The following CDK14 variants were observed in gnomAD, a reference collection of about 807,000 sequenced individuals.
CDK14 encodes the protein cyclin-dependent kinase 14.
A neutral mutation model predicts 60.7 loss-of-function variants in CDK14; 34 were observed. The observed-to-expected ratio is 0.56, with a 90% CI of 0.43 to 0.75. CDK14 has a LOEUF of 0.75. CDK14 is among the 30% of genes least tolerant of loss of function. The pLI is 0.00. For synonymous variants in CDK14, 197 were observed against 203.7 expected, an observed-to-expected ratio of 0.97 and a Z score of 0.28; for missense variants, 482 against 564.1, an observed-to-expected ratio of 0.85 and a Z score of 1.47.
intron 6 of CDK14, among the ~76,000 whole-genome samples, chr7:90,896,443 C>A (rs940908588): frequency 8.6e-5 from 13 of 151,986 alleles, no homozygotes; most frequent in Admixed American, 7.9e-4. Flanking sequence ...AGAAAAAATG[C>A]ACTGAATTAA....
At chr7:90,864,440 TTTTAAGTATGTCTA>T (rs1376552450) in intron 6 of CDK14, among the ~76,000 whole-genome samples, 36 of 152,178 alleles carry the variant, frequency 2.4e-4, no homozygotes, top group Admixed American at 2.4e-3. Context: ...TGATTCATAC[TTTTAAGTATGTCTA>T]GTTTACATAT....
At chr7:90,765,026 A>G (rs1472252193) in intron 4 of CDK14, among the ~76,000 whole-genome samples, 1 of 152,236 alleles carries the variant, frequency 6.6e-6, no homozygotes, top group Non-Finnish European at 1.5e-5. Context: ...CTTAGCAGTC[A>G]GCATAGGTAT....
At chr7:90,721,427 A>G (rs1056563776) in intron 2 of CDK14, among the ~76,000 whole-genome samples, 2 of 152,120 alleles carry the variant, frequency 1.3e-5, no homozygotes, top group African/African-American at 4.8e-5. Flanking sequence ...ATCTTGTTCT[A>G]TTTAACCATA....
At chr7:90,702,506 T>A (rs1482441300) in intron 2 of CDK14, among the ~76,000 whole-genome samples, 1 of 152,054 alleles carries the variant, frequency 6.6e-6, no homozygotes, top group Non-Finnish European at 1.5e-5. Context: ...TTTGGAATGA[T>A]CTAAATTATA....
At chr7:91,171,218 C>G (rs564913909) in intron 14 of CDK14, among the ~76,000 whole-genome samples, 1 of 151,806 alleles carries the variant, frequency 6.6e-6, no homozygotes, top group Non-Finnish European at 1.5e-5. Flanking sequence ...GGCGTGGTGG[C>G]GGGCGCCTGT....
At chr7:90,657,886 G>T (rs714352) in intron 2 of CDK14, among the ~76,000 whole-genome samples, 46,442 of 152,100 alleles carry the variant, frequency 0.31, 7,981 homozygotes, top group East Asian at 0.67. Context: ...CCAAGGCCCA[G>T]TGAGCCTAGG....
At chr7:91,077,152 A>G (rs1798341969) in intron 11 of CDK14, among the ~76,000 whole-genome samples, 1 of 152,228 alleles carries the variant, frequency 6.6e-6, no homozygotes, top group Non-Finnish European at 1.5e-5. Context: ...CTGGGTATAT[A>G]CCCAAAGGAA....
intron 2 of CDK14, among the ~76,000 whole-genome samples, chr7:90,714,701 T>A (rs1802184217): frequency 6.6e-6 from 1 of 152,088 alleles, no homozygotes; most frequent in Admixed American, 6.6e-5. Flanking sequence ...TATTGAGTGA[T>A]GCCCTATATT....
intron 2 of CDK14, chr7:90,709,158 CTTTT>C (rs577475064): frequency 1.1e-5 from 2 of 185,574 alleles, no homozygotes; most frequent in African/African-American, 4.8e-5. Context: ...TGCACCTGTG[CTTTT>C]TTTTTTTAAC....
intron 2 of CDK14, among the ~76,000 whole-genome samples, chr7:90,721,202 A>G (rs1321011562): frequency 6.6e-6 from 1 of 151,204 alleles, no homozygotes; most frequent in East Asian, 1.9e-4. Flanking sequence ...TGCTGCTTGG[A>G]CCCTCCCCAC....
intron 10 of CDK14, among the ~76,000 whole-genome samples, chr7:91,012,766 C>A (rs1439539560): frequency 6.6e-6 from 1 of 151,954 alleles, no homozygotes; most frequent in Non-Finnish European, 1.5e-5. Context: ...CTTTATGTCC[C>A]CTAGCATTTA....
chr7:90,741,356 G>A (rs1385857261), intron 3 of CDK14, among the ~76,000 whole-genome samples: 2 of 152,144 alleles, frequency 1.3e-5, no homozygotes, highest in African/African-American at 2.4e-5. Context: ...CACAGCTTTA[G>A]GCTACCTTGT....
intron 2 of CDK14, among the ~76,000 whole-genome samples, chr7:90,698,224 T>G (rs998504642): frequency 1.3e-5 from 2 of 152,180 alleles, no homozygotes; most frequent in Admixed American, 1.3e-4. Context: ...AAAATTATAC[T>G]GTTCTGGTAC....
At chr7:90,863,992 T>C (rs1180571011) in intron 6 of CDK14, among the ~76,000 whole-genome samples, 2 of 152,112 alleles carry the variant, frequency 1.3e-5, no homozygotes, top group Non-Finnish European at 2.9e-5. Context: ...TCTAAGAACA[T>C]GTAATTTATA....
At chr7:91,018,449 CA>C (rs552206569) in intron 10 of CDK14, among the ~76,000 whole-genome samples, 298 of 149,802 alleles carry the variant, frequency 2.0e-3, no homozygotes, top group Non-Finnish European at 2.4e-3. Flanking sequence ...CTTTCTCACA[CA>C]AAAAAATTAA....
At chr7:90,883,304 G>T (rs1207664177) in intron 6 of CDK14, among the ~76,000 whole-genome samples, 1 of 152,142 alleles carries the variant, frequency 6.6e-6, no homozygotes, top group Admixed American at 6.5e-5. Context: ...TACCATCAGA[G>T]AATACTATAA....
At chr7:90,685,823 A>C (rs1053097863) in intron 2 of CDK14, among the ~76,000 whole-genome samples, 2 of 152,018 alleles carry the variant, frequency 1.3e-5, no homozygotes, top group Non-Finnish European at 2.9e-5. Context: ...TTCAAATACA[A>C]GTTCTCTCTC....
At chr7:90,738,503 C>T (rs1803216052) in intron 3 of CDK14, among the ~76,000 whole-genome samples, 1 of 152,186 alleles carries the variant, frequency 6.6e-6, no homozygotes, top group African/African-American at 2.4e-5. Context: ...CAGTGTTCCC[C>T]TCCGCTGGCC....
At chr7:90,680,464 T>C (rs1461637471) in intron 2 of CDK14, among the ~76,000 whole-genome samples, 3 of 152,184 alleles carry the variant, frequency 2.0e-5, no homozygotes. Context: ...AAATAAAATA[T>C]AGCATGAATA....
Sources: gnomAD v4.1 joint callset for allele counts (sites outside exome capture counted in the v4.1 genomes callset) on GRCh38, gnomAD v4.1.1 for gene constraint, MANE v1.5 for transcripts, NCBI Gene and HGNC (gene_info 2026-07-23, HGNC 2026-07-21) for gene names.